Variants in LTA4H observed in about 807,000 individuals in gnomAD.
LTA4H encodes leukotriene A-4 hydrolase.
LTA4H carries 59 observed loss-of-function variants against 89.8 expected under a neutral mutation model. The observed-to-expected ratio is 0.66, with a 90% confidence interval of 0.53 to 0.82. The LOEUF (loss-of-function observed/expected upper bound fraction) is 0.82, where lower values mean the gene tolerates loss of function less well. Among genes scored for constraint, LTA4H ranks in the 40% least tolerant of loss-of-function variants. LTA4H has a pLI of 0.00. For missense variants in LTA4H, 617 were observed against 727.0 expected, an observed-to-expected ratio of 0.85 and a Z score of 1.74; for synonymous variants, 227 against 253.1, an observed-to-expected ratio of 0.90 and a Z score of 0.98.
chr12:96,013,529 T>C (rs916063123), intron 13 of LTA4H, among the ~76,000 whole-genome samples: 2 of 152,218 alleles, frequency 1.3e-5, no homozygotes, highest in African/African-American at 4.8e-5. Context: ...TTCTAAAATT[T>C]ATATTCATCA....
At chr12:96,007,428 C>A (rs1325937263) in intron 15 of LTA4H, among the ~76,000 whole-genome samples, 1 of 152,120 alleles carries the variant, frequency 6.6e-6, no homozygotes, top group Non-Finnish European at 1.5e-5. Flanking sequence ...CTGGATGGGT[C>A]AGCAAGGAGG....
Position 96,018,850 on chromosome 12 carries a change from T to A in LTA4H, c.765A>T (p.Gly255=), listed in dbSNP as rs1245802582. 6.2e-7 allele frequency: 1 copy of A among 1,603,810 alleles called. No individual in the cohort carries two copies. Among genetic ancestry groups the A allele is most frequent in the Non-Finnish European group, 8.5e-7 (1 of 1,176,960 alleles). The change falls in exon 8 of 19, where the codon GGA becomes GGT. Residue 255 remains glycine, a synonymous_variant. Transcript: ENST00000228740. ...AEDLGGPYVW[G]QYDLLVLPPS... ...GTGGCAGGACCAATAGGTCATACTG[T>A]CCCCATACATACGGTCCTCCCAGAT...
intron 1 of LTA4H, among the ~76,000 whole-genome samples, chr12:96,031,519 C>A (rs184211639): frequency 6.6e-6 from 1 of 152,096 alleles, no homozygotes; most frequent in African/African-American, 2.4e-5. Flanking sequence ...TTTTAAGAAA[C>A]GTGTTAAGCA....
chr12:96,040,843 G>A (rs1950681787), intron 1 of LTA4H, among the ~76,000 whole-genome samples: 1 of 152,204 alleles, frequency 6.6e-6, no homozygotes, highest in African/African-American at 2.4e-5. Context: ...TCTCAGTTGG[G>A]TGAGTTTATC....
intron 12 of LTA4H, 62 bp from the exon 13 acceptor site, chr12:96,013,915 C>T (rs1950340844): frequency 3.3e-5 from 25 of 764,240 alleles, no homozygotes; most frequent in South Asian, 3.2e-4. Context: ...ATTTTGTGTG[C>T]GTGTTTGGCA....
intron 6 of LTA4H, among the ~76,000 whole-genome samples, chr12:96,020,250 A>G (rs1950438644): frequency 6.6e-6 from 1 of 152,214 alleles, no homozygotes; most frequent in Non-Finnish European, 1.5e-5. Context: ...TTTGTCATGC[A>G]CTTAAAGGTT....
At position 96,006,195 on chromosome 12, in the gene LTA4H, T is replaced by G. The variant is rs1466933329; in HGVS notation, c.1530+119A>C. 18 of 557,626 alleles carry G rather than the reference T, an allele frequency of 3.2e-5. No individual in the cohort carries two copies. In the Admixed American group the frequency reaches 3.9e-4, roughly 12 times the overall value. The allele number at this position is 557,626 out of a possible 1,614,324, so 34.5% of individuals were successfully genotyped here. On this transcript the variant is annotated intron_variant, in intron 16 of 18. Transcript: ENST00000228740. ...CTTTTTTAAAGAAATGAATAAATTT[T>G]ATAAATGATTTTTTCCCCATTAGTT... is the stretch of plus-strand genomic sequence containing the variant.
chr12:96,024,457 G>A (rs903893784), intron 4 of LTA4H, 22 bp downstream of exon 4: 4 of 1,432,774 alleles, frequency 2.8e-6, no homozygotes, highest in Admixed American at 1.7e-5. Context: ...ATTTAATTGA[G>A]TTAATAATTC....
At chr12:96,006,091 C>T (rs2540499) in intron 16 of LTA4H, among the ~76,000 whole-genome samples, 37 of 151,878 alleles carry the variant, frequency 2.4e-4, no homozygotes, top group African/African-American at 8.5e-4. Context: ...CTAGATTATA[C>T]GCTATTTGAA....
upstream of LTA4H, among the ~76,000 whole-genome samples, chr12:96,038,398 A>T (rs1448110281): frequency 6.6e-6 from 1 of 152,042 alleles, no homozygotes. Flanking sequence ...GCATTTTCGG[A>T]TTTTTTTGGC....
intron 12 of LTA4H, chr12:96,014,230 C>T (rs957383364): frequency 1.1e-5 from 2 of 177,636 alleles, no homozygotes; most frequent in South Asian, 1.4e-4. Flanking sequence ...CCAAGTCAAT[C>T]AACCAAGGAG....
Position 96,022,204 on chromosome 12 carries a change from A to G in LTA4H, c.528T>C (p.Asp176=). The change falls in exon 5 of 19, where the codon GAT becomes GAC. Residue 176 remains aspartate, a synonymous_variant. Transcript: ENST00000228740. This position sits in a 1 kb window ranked among gnomAD's most constrained non-coding sequence, Gnocchi z 4.0. ...GGTCTTCTGGGTCAGGTGTTTCTCC[A>G]TCACGAATAGCACTCATAAGTGCCA... ...ELVALMSAIR[D]GETPDPEDPS... 1 of 1,614,014 alleles carries G rather than the reference A, an allele frequency of 6.2e-7. No homozygotes were observed. Among genetic ancestry groups the G allele is most frequent in the Non-Finnish European group, 8.5e-7 (1 of 1,179,932 alleles).
Position 96,022,540 on chromosome 12 carries a change from AGC to A in LTA4H, c.481-291_481-290del, listed in dbSNP as rs1368878832. The stretch of plus-strand genomic sequence containing the variant: ...ACATATCAGTTTTGTAAATAAAATT[AGC>A]AATATGGGAAACTGGCTTCTTTAAA... On this transcript the variant is annotated intron_variant, in intron 4 of 18. Transcript: ENST00000228740. The surrounding 1 kb of genome is among the most constrained non-coding windows in gnomAD (Gnocchi z 4.0). Among the ~76,000 whole-genome samples the A allele has an allele frequency of 6.6e-6, 1 of 152,144 alleles. No homozygotes were observed. Among genetic ancestry groups the A allele is most frequent in the East Asian group, 1.9e-4 (1 of 5,194 alleles).
rs1314515240 is a variant in LTA4H at position 96,016,895 on chromosome 12, A to C, written c.947+149T>G. 4 of 628,630 alleles carry C rather than the reference A, an allele frequency of 6.4e-6. No homozygotes were observed. In the Admixed American group the frequency reaches 8.4e-5, roughly 13 times the overall value. 38.9% of individuals were successfully genotyped at this position (628,630 alleles called of 1,614,324 possible). A position where few individuals can be genotyped will look rare whatever the true frequency, so the allele number is the denominator to read the frequency against. ...AGCCTGAGTGACAGAGTGAGACTCC[A>C]TGTCAAAAAAAAAAAAAATCCTTGC... On this transcript the variant is annotated intron_variant, in intron 10 of 18. Coordinates refer to ENST00000228740, the MANE Select transcript of LTA4H (RefSeq NM_000895.3).
At chr12:96,025,484 T>C (rs1055316200) in intron 3 of LTA4H, 2 of 152,190 alleles carry the variant, frequency 1.3e-5, no homozygotes, top group Non-Finnish European at 2.9e-5. Flanking sequence ...TCATATCATA[T>C]GCAAAGTGTT....
At chr12:96,025,481 A>T (rs569762130) in intron 3 of LTA4H, 1 of 152,306 alleles carries the variant, frequency 6.6e-6, no homozygotes, top group Non-Finnish European at 1.5e-5. Context: ...CATTCATATC[A>T]TATGCAAAGT....
Position 96,018,867 on chromosome 12 carries a change from C to T in LTA4H, c.748G>A (p.Gly250Arg). ...SMLKIAEDLG[G>R]PYVWGQYDLL... is the part of the protein sequence containing the mutation. ...TCATACTGTCCCCATACATACGGTC[C>T]TCCCAGATCTTCTGCTATTTTAAGC... Residue 250 changes from glycine to arginine, a missense_variant, in exon 8 of 19, where the codon GGA (glycine) becomes AGA (arginine). By Grantham distance (125) the Gly-to-Arg change is moderately radical. This residue lies in a region of LTA4H where 172 missense variants were observed against 244.5 expected (regional missense o/e 0.70). Coordinates refer to ENST00000228740, the MANE Select transcript of LTA4H (RefSeq NM_000895.3). 1 of 1,597,780 alleles carries T rather than the reference C, an allele frequency of 6.3e-7. No homozygotes were observed. The highest frequency in any genetic ancestry group is 8.5e-7 in the Non-Finnish European group (1 of 1,174,908).
chr12:96,031,484 T>C (rs1050527860), intron 1 of LTA4H, among the ~76,000 whole-genome samples: 7 of 152,170 alleles, frequency 4.6e-5, no homozygotes, highest in Non-Finnish European at 7.3e-5. Flanking sequence ...GAAAACTGGA[T>C]TGTTGACAAG....
At chr12:96,008,787 C>T (rs568275846) in intron 15 of LTA4H, among the ~76,000 whole-genome samples, 8 of 152,180 alleles carry the variant, frequency 5.3e-5, no homozygotes, top group Non-Finnish European at 1.0e-4. Context: ...GGCATGGAGG[C>T]ACATGCCTGT....
Sources: gnomAD v4.1 joint callset for allele counts (sites outside exome capture counted in the v4.1 genomes callset) on GRCh38, gnomAD v4.1.1 for gene constraint, gnomAD v4.1.1 regional missense constraint, Gnocchi (gnomAD v3.1) non-coding constraint, MANE v1.5 for transcripts, NCBI Gene and HGNC (gene_info 2026-07-23, HGNC 2026-07-21) for gene names.